Variants in ZNF641 observed in about 807,000 individuals in gnomAD.
The protein encoded by ZNF641 is zinc finger protein 641.
A neutral mutation model predicts 46.2 loss-of-function variants in ZNF641; 26 were observed. The ratio of observed to expected loss-of-function variants is 0.56; its 90% CI spans 0.41 to 0.78. The LOEUF (loss-of-function observed/expected upper bound fraction) is 0.78, where lower values mean the gene tolerates loss of function less well. Among genes scored for constraint, ZNF641 ranks in the 30% least tolerant of loss-of-function variants. ZNF641 has a pLI of 0.00. For synonymous variants in ZNF641, 163 were observed against 187.9 expected (o/e 0.87, Z 1.09); for missense variants, 469 against 517.8 (o/e 0.91, Z 0.91).
In ZNF641 at chr12:48,342,832, A is replaced by T. The variant is rs1952752382; in HGVS notation, c.*141T>A. The T allele has an allele frequency of 6.9e-7, 1 of 1,443,004 alleles. No homozygotes were observed. Among genetic ancestry groups the T allele is most frequent in the East Asian group, 2.5e-5 (1 of 40,456 alleles). The allele number at this position is 1,443,004 out of a possible 1,614,324, so 89.4% of individuals were successfully genotyped here. A position where few individuals can be genotyped will look rare whatever the true frequency, so the allele number is the denominator to read the frequency against. ...AGAACTGGTGAGAAATGCTCTGGCC[A>T]TTGCTGGGACCTCATCTTTCTAGGG... On this transcript the variant is annotated 3_prime_UTR_variant, in exon 6 of 6. Transcript: ENST00000547026.
chr12:48,342,948 A>C lies in ZNF641; in HGVS notation c.*25T>G. 6.3e-7 allele frequency: 1 copy of C among 1,583,176 alleles called. No individual in the cohort carries two copies. Among genetic ancestry groups the C allele is most frequent in the Non-Finnish European group, 8.6e-7 (1 of 1,166,324 alleles). ...CTGGTAGCACCGGCTGATAGACTTGACCATAGCTGTAGTGGAAACAGATTT... is the reference window on the plus strand; with the variant it reads ...CTGGTAGCACCGGCTGATAGACTTGCCCATAGCTGTAGTGGAAACAGATTT... On this transcript the variant is annotated 3_prime_UTR_variant, in exon 6 of 6. Coordinates refer to ENST00000547026, the MANE Select transcript of ZNF641 (RefSeq NM_001172681.2).
chr12:48,336,733 G>A (rs150211312), downstream of ZNF641, among the ~76,000 whole-genome samples: 36 of 152,244 alleles, frequency 2.4e-4, no homozygotes, highest in East Asian at 6.2e-3. Flanking sequence ...ACTCACTACC[G>A]CCACCACTTG....
chr12:48,347,840 C>T (rs1167799403), intron 2 of ZNF641, 67 bp downstream of exon 2: 1 of 1,499,994 alleles, frequency 6.7e-7, no homozygotes, highest in Non-Finnish European at 9.2e-7. Flanking sequence ...AGATTTTTAA[C>T]CCTACTTTTG....
intron 1 of ZNF641, chr12:48,350,528 G>A (rs1297140349): frequency 1.2e-5 from 2 of 167,496 alleles, no homozygotes; most frequent in East Asian, 1.6e-4. Flanking sequence ...TGAAGAGAAA[G>A]GGAGCCACGG....
Position 48,337,281 on chromosome 12 carries a change from T to C in ZNF641, c.*5692A>G, listed in dbSNP as rs922261405. The C allele has an allele frequency of 4.6e-5, 7 of 152,114 alleles. No homozygotes were observed. Among genetic ancestry groups the C allele is most frequent in the African/African-American group, 1.7e-4 (7 of 41,414 alleles). The allele number at this position is 152,114 out of a possible 1,614,324, so 9.4% of individuals were successfully genotyped here. On this transcript the variant is annotated 3_prime_UTR_variant, in exon 6 of 6. Transcript: ENST00000547026. ...GTTCATCAGAAGGAACCAATTCAGA[T>C]AATAGCTAGAAATCTGATAGGCACG...
At chr12:48,348,558 A>G (rs1317871581) in intron 1 of ZNF641, among the ~76,000 whole-genome samples, 1 of 152,242 alleles carries the variant, frequency 6.6e-6, no homozygotes, top group Non-Finnish European at 1.5e-5. Context: ...TTTCTGCCAC[A>G]AATCACAGTC....
In ZNF641 at chr12:48,350,758, C is replaced by T. The variant is rs1953012418; in HGVS notation, c.-26+28G>A. 3 of 927,858 alleles carry T rather than the reference C, an allele frequency of 3.2e-6. No individual in the cohort carries two copies. The African/African-American group carries it at 5.3e-5, about 16-fold the overall frequency. 57.5% of individuals were successfully genotyped at this position (927,858 alleles called of 1,614,324 possible). On this transcript the variant is annotated intron_variant, in intron 1 of 5. Coordinates refer to ENST00000547026, the MANE Select transcript of ZNF641 (RefSeq NM_001172681.2). Reference sequence around the variant, plus strand: ...AGCCAGGCGTCCCTCCCTCCAGCCGCAGCTCCCTCCGGCCCGGCTCCACTC... The same window carrying T: ...AGCCAGGCGTCCCTCCCTCCAGCCGTAGCTCCCTCCGGCCCGGCTCCACTC...
At chr12:48,348,462 A>G (rs967541364) in intron 1 of ZNF641, among the ~76,000 whole-genome samples, 3 of 152,262 alleles carry the variant, frequency 2.0e-5, no homozygotes, top group Non-Finnish European at 4.4e-5. Flanking sequence ...CACATGAAGT[A>G]CAGGAAAGTA....
chr12:48,349,809 C>T (rs1459068389), intron 1 of ZNF641, among the ~76,000 whole-genome samples: 1 of 152,220 alleles, frequency 6.6e-6, no homozygotes, highest in Non-Finnish European at 1.5e-5. Flanking sequence ...TCTCCCTCTT[C>T]GTCCCATCTT....
rs1479105171 is a variant in ZNF641, at chr12:48,338,546, G to A, written c.*4427C>T. 2 of 152,266 alleles carry A rather than the reference G, an allele frequency of 1.3e-5. No homozygotes were observed. Among genetic ancestry groups the A allele is most frequent in the African/African-American group, 2.4e-5 (1 of 41,446 alleles). The allele number at this position is 152,266 out of a possible 1,614,324, so 9.4% of individuals were successfully genotyped here. A position where few individuals can be genotyped will look rare whatever the true frequency, so the allele number is the denominator to read the frequency against. On this transcript the variant is annotated 3_prime_UTR_variant, in exon 6 of 6. Transcript: ENST00000547026. The stretch of plus-strand genomic sequence containing the variant: ...AGGTGCGCCTGGGAGAGGAACTGGA[G>A]GAGGTAGCAGGGTCAGAGACTGCAA...
At position 48,343,458 on chromosome 12, in the gene ZNF641, G is replaced by A. The variant is rs760344767; in HGVS notation, c.790C>T (p.His264Tyr). 3.1e-6 allele frequency: 5 copies of A among 1,614,102 alleles called. No homozygotes were observed. Among genetic ancestry groups the A allele is most frequent in the Non-Finnish European group, 2.5e-6 (3 of 1,179,952 alleles). The change falls in exon 6 of 6, where the codon CAC becomes TAC. Residue 264 changes from histidine to tyrosine, a missense_variant. His to Tyr is a moderately conservative substitution (Grantham distance 83). Around this residue, in one of 3 missense-constraint regions of ZNF641, gnomAD observed 346 missense variants for 354.0 expected, o/e 0.98. Transcript: ENST00000547026. ...TGTGTTTGTTGATGCCTGGCAAGGT[G>A]GGAACCCCATACAAACTGTTTCCCA... ...QCGKQFVWGS[H>Y]LARHQQTHTG... is the part of the protein sequence containing the mutation.
At chr12:48,350,242 C>T in intron 1 of ZNF641, 1 of 1,462,570 alleles carries the variant, frequency 6.8e-7, no homozygotes. Flanking sequence ...TTTCTGCAGC[C>T]AGTGCTGATG....
intron 1 of ZNF641, among the ~76,000 whole-genome samples, chr12:48,348,574 A>G (rs1201565415): frequency 6.6e-6 from 1 of 152,234 alleles, no homozygotes; most frequent in Admixed American, 6.5e-5. Flanking sequence ...CAGTCTCATC[A>G]GTTTAGAATG....
At position 48,341,296 on chromosome 12, in the gene ZNF641, C is replaced by A. The variant is rs1952710198; in HGVS notation, c.*1677G>T. On this transcript the variant is annotated 3_prime_UTR_variant, in exon 6 of 6. Transcript: ENST00000547026. ...TATCTAAGCATTAAAGAGAAAATATCCCACTTTGCTCCTCTTCCTCCCTAA... is the reference window on the plus strand; with the variant it reads ...TATCTAAGCATTAAAGAGAAAATATACCACTTTGCTCCTCTTCCTCCCTAA... 1.0e-6 allele frequency: 1 copy of A among 985,404 alleles called. No individual in the cohort carries two copies. The highest frequency in any genetic ancestry group is 1.2e-6 in the Non-Finnish European group (1 of 829,924). The allele number at this position is 985,404 out of a possible 1,614,324, so 61.0% of individuals were successfully genotyped here.
At chr12:48,345,290 T>C in intron 4 of ZNF641, 55 bp downstream of exon 4, 1 of 1,599,896 alleles carries the variant, frequency 6.3e-7, no homozygotes, top group Non-Finnish European at 8.5e-7. Context: ...CTGAAGCAGA[T>C]GGCTCCGTCC....
Position 48,350,833 on chromosome 12 carries a change from C to T in ZNF641, c.-73G>A. On this transcript the variant is annotated 5_prime_UTR_variant, in exon 1 of 6. Coordinates refer to ENST00000547026, the MANE Select transcript of ZNF641 (RefSeq NM_001172681.2). ...CCCGGTGCCTCCCTCCCGGGCGCCGCCTGCCCCTCCCCTCCGCCCTCCGCT... is the reference window on the plus strand; with the variant it reads ...CCCGGTGCCTCCCTCCCGGGCGCCGTCTGCCCCTCCCCTCCGCCCTCCGCT... 8.1e-6 allele frequency: 8 copies of T among 985,166 alleles called. No homozygotes were observed. The highest frequency in any genetic ancestry group is 8.4e-6 in the Non-Finnish European group (7 of 829,788). 61.0% of individuals were successfully genotyped at this position (985,166 alleles called of 1,614,324 possible). A position where few individuals can be genotyped will look rare whatever the true frequency, so the allele number is the denominator to read the frequency against.
chr12:48,344,453 A>G (rs2634676), intron 5 of ZNF641, 146 bp downstream of exon 5: 154,326 of 542,778 alleles, frequency 0.28, 25,616 homozygotes, highest in South Asian at 0.38. Flanking sequence ...ACATCATTCT[A>G]TTACACTCCC....
At chr12:48,349,505 A>C (rs1292022268) in intron 1 of ZNF641, among the ~76,000 whole-genome samples, 2 of 152,214 alleles carry the variant, frequency 1.3e-5, no homozygotes, top group African/African-American at 4.8e-5. Context: ...GTAGGTAATC[A>C]CAGATGTCAA....
rs139503653 is a variant in ZNF641 at position 48,339,042 on chromosome 12, G to A, written c.*3931C>T. 1.8e-3 allele frequency: 281 copies of A among 152,316 alleles called. No homozygotes were observed. The highest frequency in any genetic ancestry group is 6.5e-3 in the African/African-American group (271 of 41,554). The allele number at this position is 152,316 out of a possible 1,614,324, so 9.4% of individuals were successfully genotyped here. A position where few individuals can be genotyped will look rare whatever the true frequency, so the allele number is the denominator to read the frequency against. On this transcript the variant is annotated 3_prime_UTR_variant, in exon 6 of 6. Coordinates refer to ENST00000547026, the MANE Select transcript of ZNF641 (RefSeq NM_001172681.2). The stretch of plus-strand genomic sequence containing the variant: ...TTGTTTATTCCTTTCTGTCCTTTCA[G>A]ATTTCTGGACCCAAGTATCCTCAGT...
Sources: allele counts gnomAD v4.1 joint callset (sites outside exome capture counted in the v4.1 genomes callset), GRCh38; gene constraint gnomAD v4.1.1; regional missense constraint gnomAD v4.1.1; transcripts MANE v1.5; gene names NCBI Gene and HGNC (gene_info 2026-07-23, HGNC 2026-07-21).